The following RHBDD1 variants were observed in gnomAD, a reference collection of about 807,000 sequenced individuals.
The protein encoded by RHBDD1 is rhomboid domain containing 1, also known as rhomboid-related protein 4.
RHBDD1 carries 38 observed loss-of-function variants against 36.3 expected under a neutral mutation model. That is an observed-to-expected ratio of 1.05 (90% CI 0.81 to 1.37). The LOEUF is 1.37. RHBDD1 is among the 40% of genes most tolerant of loss of function. The probability of loss-of-function intolerance (pLI) is 0.00; values close to 1 mark genes in which losing one functional copy is unlikely to be tolerated. For synonymous variants in RHBDD1, 151 were observed against 136.5 expected (o/e 1.11, Z -0.74); for missense variants, 393 against 377.6 (o/e 1.04, Z -0.34).
intron 3 of RHBDD1, among the ~76,000 whole-genome samples, chr2:226,851,553 T>G (rs570305636): frequency 6.6e-6 from 1 of 152,132 alleles, no homozygotes; most frequent in African/African-American, 2.4e-5. Flanking sequence ...CTCCAGTTAT[T>G]TTTTATCATC....
chr2:226,998,798 C>A lies in RHBDD1; in HGVS notation c.*3276C>A, dbSNP rs1004425330. Reference sequence around the variant, plus strand: ...CTCTCTGCTGCCAAAGGATAAAGGTCAAAGTCATTAGCCTCAACAGTGGGC... The same window carrying A: ...CTCTCTGCTGCCAAAGGATAAAGGTAAAAGTCATTAGCCTCAACAGTGGGC... On this transcript the variant is annotated 3_prime_UTR_variant, in exon 9 of 9. Coordinates refer to ENST00000392062, the MANE Select transcript of RHBDD1 (RefSeq NM_001167608.3). 6.6e-5 allele frequency: 10 copies of A among 152,188 alleles called. No individual in the cohort carries two copies. The highest frequency in any genetic ancestry group is 1.5e-5 in the Non-Finnish European group (1 of 68,046). 9.4% of individuals were successfully genotyped at this position (152,188 alleles called of 1,614,324 possible). A position where few individuals can be genotyped will look rare whatever the true frequency, so the allele number is the denominator to read the frequency against.
At chr2:226,911,541 CT>C (rs869309466) in intron 7 of RHBDD1, among the ~76,000 whole-genome samples, 3,474 of 71,450 alleles carry the variant, frequency 0.049, 34 homozygotes, top group Middle Eastern at 0.073. Context: ...TGTGAAAGTT[CT>C]TTTTTTTTTT....
At chr2:226,962,206 G>A (rs1343723834) in intron 8 of RHBDD1, among the ~76,000 whole-genome samples, 1 of 152,160 alleles carries the variant, frequency 6.6e-6, no homozygotes, top group Non-Finnish European at 1.5e-5. Context: ...TAATGCCTAA[G>A]CAAGAAAGAA....
In RHBDD1 at chr2:226,906,833, C is replaced by T; in HGVS notation, c.607C>T (p.Leu203=). 1 of 1,614,108 alleles carries T rather than the reference C, an allele frequency of 6.2e-7. No homozygotes were observed. The highest frequency in any genetic ancestry group is 8.5e-7 in the Non-Finnish European group (1 of 1,179,976). ...AGHLAGILVG[L]MYTQGPLKKI... The stretch of plus-strand genomic sequence containing the variant: ...GCATCTGGCTGGGATTCTTGTTGGA[C>T]TAATGTACACTCAAGGGCCTCTGAA... The change falls in exon 6 of 9, where the codon CTA becomes TTA. Residue 203 remains leucine (L), a synonymous_variant. Coordinates refer to ENST00000392062, the MANE Select transcript of RHBDD1 (RefSeq NM_001167608.3).
At position 226,864,595 on chromosome 2, in the gene RHBDD1, G is replaced by A. The variant is rs957365960; in HGVS notation, c.-90-9G>A. 9 of 901,638 alleles carry A rather than the reference G, an allele frequency of 1.0e-5. No homozygotes were observed. Among genetic ancestry groups the A allele is most frequent in the Admixed American group, 2.3e-5 (1 of 44,250 alleles). 55.9% of individuals were successfully genotyped at this position (901,638 alleles called of 1,614,324 possible). On this transcript the variant is annotated splice_polypyrimidine_tract_variant and intron_variant, in intron 3 of 8. Transcript: ENST00000392062. Reference sequence around the variant, plus strand: ...ATTGATGGTTTTTCACATGCATTTTGTGTTTTAGGTTCAGCCGTCTGTATA... The same window carrying A: ...ATTGATGGTTTTTCACATGCATTTTATGTTTTAGGTTCAGCCGTCTGTATA...
At chr2:226,816,327 T>G in the RHBDD1 span, among the ~76,000 whole-genome samples, 1 of 139,634 alleles carries the variant, frequency 7.2e-6, no homozygotes, top group Admixed American at 7.8e-5. Context: ...TTGAATATTC[T>G]GAACTGCAAA....
Position 226,949,530 on chromosome 2 carries a change from C to T in RHBDD1, c.856+35179C>T, listed in dbSNP as rs1405820414. On this transcript the variant is annotated intron_variant, in intron 8 of 8. Transcript: ENST00000392062. ...AGACTGGATGGAACCCAGTCAGTTTCATTTCACAGTCTATGTACTTTATTG... is the reference window on the plus strand; with the variant it reads ...AGACTGGATGGAACCCAGTCAGTTTTATTTCACAGTCTATGTACTTTATTG... Among the ~76,000 whole-genome samples the T allele has an allele frequency of 2.0e-5, 3 of 152,138 alleles. No homozygotes were observed. The South Asian group carries it at 6.2e-4, about 31-fold the overall frequency.
the RHBDD1 span, among the ~76,000 whole-genome samples, chr2:226,802,027 A>AC: frequency 1.4e-4 from 20 of 140,114 alleles, no homozygotes; most frequent in African/African-American, 4.4e-4. Flanking sequence ...TCCACCCCCC[A>AC]CCCCCCAAAA....
rs1196371091 is a variant in RHBDD1 at position 226,867,243 on chromosome 2, A to G, written c.491A>G (p.Asn164Ser). The G allele has an allele frequency of 1.1e-5, 18 of 1,613,590 alleles. No individual in the cohort carries two copies. The highest frequency in any genetic ancestry group is 1.4e-5 in the Non-Finnish European group (17 of 1,179,790). The change falls in exon 5 of 9, where the codon AAC (asparagine) becomes AGC (serine). Residue 164 changes from asparagine (N) to serine (S), a missense_variant. Coordinates refer to ENST00000392062, the MANE Select transcript of RHBDD1 (RefSeq NM_001167608.3). Reference sequence around the variant, plus strand: ...CATTATTGCCCTGGAGGCTTTGTCAACATTTTGGGCTTTCCTGTACCGAAC... The same window carrying G: ...CATTATTGCCCTGGAGGCTTTGTCAGCATTTTGGGCTTTCCTGTACCGAAC... Reference protein sequence around the residue: ...NNHYCPGGFVNILGFPVPNRF... With the variant: ...NNHYCPGGFVSILGFPVPNRF...
At chr2:226,980,911 AT>A (rs1379040787) in intron 8 of RHBDD1, among the ~76,000 whole-genome samples, 1 of 152,210 alleles carries the variant, frequency 6.6e-6, no homozygotes. Flanking sequence ...GGAATAACTC[AT>A]TTTTTGTTGT....
rs1371210832 is a variant in RHBDD1, at chr2:226,933,737, G to A, written c.856+19386G>A. Reference sequence around the variant, plus strand: ...AAAAACAAGTTAATTTAAGGATTATGTAGCATTTATGTTTTTTATAAGGAT... The same window carrying A: ...AAAAACAAGTTAATTTAAGGATTATATAGCATTTATGTTTTTTATAAGGAT... On this transcript the variant is annotated intron_variant, in intron 8 of 8. Transcript: ENST00000392062. 3.9e-5 allele frequency among the ~76,000 whole-genome samples: 6 copies of A among 152,108 alleles called. No individual in the cohort carries two copies. The South Asian group carries it at 1.0e-3, about 26-fold the overall frequency.
At chr2:226,852,729 C>T (rs528007810) in intron 3 of RHBDD1, among the ~76,000 whole-genome samples, 2 of 151,836 alleles carry the variant, frequency 1.3e-5, no homozygotes, top group Non-Finnish European at 2.9e-5. Context: ...TATTGCTCTA[C>T]CTTGTCTCTT....
intron 3 of RHBDD1, among the ~76,000 whole-genome samples, chr2:226,841,351 G>T (rs973645107): frequency 1.3e-5 from 2 of 152,046 alleles, no homozygotes; most frequent in Admixed American, 6.6e-5. Context: ...GGATGTGCAG[G>T]TTTGTTACAT....
At chr2:226,876,169 C>G (rs1945223549) in intron 5 of RHBDD1, among the ~76,000 whole-genome samples, 1 of 152,180 alleles carries the variant, frequency 6.6e-6, no homozygotes, top group African/African-American at 2.4e-5. Flanking sequence ...TCAGAATGGA[C>G]ACACGGCTTT....
At chr2:226,827,461 C>A in the RHBDD1 span, among the ~76,000 whole-genome samples, 3 of 152,234 alleles carry the variant, frequency 2.0e-5, no homozygotes, top group African/African-American at 4.8e-5. Context: ...CAAAATGATA[C>A]CCTGCTAAAA....
intron 8 of RHBDD1, among the ~76,000 whole-genome samples, chr2:226,943,070 T>G (rs1006073171): frequency 1.3e-5 from 2 of 152,212 alleles, no homozygotes; most frequent in Admixed American, 6.5e-5. Context: ...TGGTTTCCAT[T>G]TATTATACAG....
At chr2:226,804,941 G>C in the RHBDD1 span, 1 of 152,314 alleles carries the variant, frequency 6.6e-6, no homozygotes, top group Non-Finnish European at 1.5e-5. Flanking sequence ...AAAGATCCTT[G>C]AGCCCAGGAG....
intron 3 of RHBDD1, among the ~76,000 whole-genome samples, chr2:226,846,794 A>G (rs1335076003): frequency 6.6e-6 from 1 of 152,022 alleles, no homozygotes; most frequent in Non-Finnish European, 1.5e-5. Flanking sequence ...CATGGAGAAC[A>G]TGGAGTAGAA....
At chr2:226,843,723 A>G (rs1941922579) in intron 3 of RHBDD1, among the ~76,000 whole-genome samples, 1 of 152,136 alleles carries the variant, frequency 6.6e-6, no homozygotes, top group African/African-American at 2.4e-5. Context: ...TATTGGCCTG[A>G]ATTTTTCTTT....
Sources: gnomAD v4.1 joint callset for allele counts (sites outside exome capture counted in the v4.1 genomes callset) on GRCh38, gnomAD v4.1.1 for gene constraint, MANE v1.5 for transcripts, NCBI Gene and HGNC (gene_info 2026-07-23, HGNC 2026-07-21) for gene names.